The following KCNU1 variants were observed in gnomAD, a reference collection of about 807,000 sequenced individuals.
The protein encoded by KCNU1 is potassium calcium-activated channel subfamily U member 1, also known as potassium channel subfamily U member 1.
KCNU1 carries 93 observed loss-of-function variants against 126.8 expected under a neutral mutation model. The observed-to-expected ratio is 0.73, with a 90% CI of 0.62 to 0.87. The LOEUF is 0.87. Ranked by LOEUF, KCNU1 falls within the 40% of genes least tolerant of loss-of-function variation. KCNU1 has a pLI of 0.00. For synonymous variants in KCNU1, 523 were observed against 494.2 expected, an observed-to-expected ratio of 1.06 and a Z score of -0.77; for missense variants, 1,330 against 1,367.1, an observed-to-expected ratio of 0.97 and a Z score of 0.43.
intron 10 of KCNU1, among the ~76,000 whole-genome samples, chr8:36,826,272 T>TGC (rs1804319219): frequency 6.6e-6 from 1 of 150,736 alleles, no homozygotes. Context: ...CGCAGTGGCC[T>TGC]GATCTTGGCT....
At chr8:36,832,808 A>T (rs543484824) in intron 10 of KCNU1, among the ~76,000 whole-genome samples, 1 of 152,178 alleles carries the variant, frequency 6.6e-6, no homozygotes, top group South Asian at 2.1e-4. Context: ...AAAGCTACAA[A>T]TTATTCCTAA....
At chr8:36,837,640 T>A (rs1356024976) in intron 14 of KCNU1, among the ~76,000 whole-genome samples, 2 of 152,210 alleles carry the variant, frequency 1.3e-5, no homozygotes, top group Non-Finnish European at 2.9e-5. Context: ...ACACAATGTC[T>A]CACATCAAGA....
intron 19 of KCNU1, among the ~76,000 whole-genome samples, chr8:36,874,108 C>A (rs182439583): frequency 6.6e-6 from 1 of 151,934 alleles, no homozygotes; most frequent in Non-Finnish European, 1.5e-5. Context: ...TGAAAAGGAA[C>A]AGATATTTTA....
chr8:36,824,966 G>A lies in KCNU1; in HGVS notation c.1106+7206G>A, dbSNP rs191072551. The stretch of plus-strand genomic sequence containing the variant: ...TGCAAATTTTTGTATATGTATCTTG[G>A]TACCCAAAAATATAATTGTAAGGTA... On this transcript the variant is annotated intron_variant, in intron 10 of 26. Transcript: ENST00000399881. Among the ~76,000 whole-genome samples the A allele has an allele frequency of 2.0e-3, 311 of 152,094 alleles. 5 individuals carry two copies. Among genetic ancestry groups the A allele is most frequent in the African/African-American group, 6.0e-3 (250 of 41,488 alleles).
At chr8:36,823,903 T>C (rs1460985325) in intron 10 of KCNU1, among the ~76,000 whole-genome samples, 1 of 150,640 alleles carries the variant, frequency 6.6e-6, no homozygotes, top group Admixed American at 6.7e-5. Flanking sequence ...AATGGTGCGA[T>C]CTCAGTTCAC....
At chr8:36,788,665 C>T (rs1802796932) in intron 2 of KCNU1, among the ~76,000 whole-genome samples, 1 of 152,152 alleles carries the variant, frequency 6.6e-6, no homozygotes, top group African/African-American at 2.4e-5. Context: ...AATGTTGAAT[C>T]ATCTGGAAAT....
chr8:36,848,058 C>T (rs1051815188), intron 18 of KCNU1, among the ~76,000 whole-genome samples: 2 of 152,112 alleles, frequency 1.3e-5, no homozygotes, highest in Non-Finnish European at 2.9e-5. Flanking sequence ...ATTTGCATTT[C>T]TTTGATAATT....
intron 1 of KCNU1, 39 bp downstream of exon 1, chr8:36,784,644 G>A: frequency 6.7e-7 from 1 of 1,492,904 alleles, no homozygotes; most frequent in South Asian, 1.2e-5. Flanking sequence ...TGTGAAGTCA[G>A]AGATGAGTTT....
chr8:36,890,098 C>G (rs923089731), intron 19 of KCNU1, among the ~76,000 whole-genome samples: 2 of 151,900 alleles, frequency 1.3e-5, no homozygotes, highest in Admixed American at 6.6e-5. Context: ...CAGACTTCCT[C>G]AAACAAAAAC....
intron 23 of KCNU1, among the ~76,000 whole-genome samples, chr8:36,920,544 G>A (rs1456759185): frequency 2.1e-5 from 3 of 143,134 alleles, no homozygotes; most frequent in Admixed American, 6.9e-5. Context: ...AGCTTGTCCA[G>A]GTTCTTGTTG....
intron 18 of KCNU1, among the ~76,000 whole-genome samples, chr8:36,855,235 G>A (rs1805488415): frequency 2.0e-5 from 3 of 152,100 alleles, no homozygotes; most frequent in South Asian, 4.1e-4. Context: ...TTATAAGTAA[G>A]AAGACATTTT....
chr8:36,819,964 T>C lies in KCNU1; in HGVS notation c.1106+2204T>C, dbSNP rs143760500. Among the ~76,000 whole-genome samples, 28 of 152,252 alleles carry C rather than the reference T, an allele frequency of 1.8e-4. No individual in the cohort carries two copies. The East Asian group carries it at 5.4e-3, about 30-fold the overall frequency. ...ACTTCAGGCCTAGCGTTTAGGAGGA[T>C]TGACAGTTCCAGCTTCCACTTAGAG... On this transcript the variant is annotated intron_variant, in intron 10 of 26. Transcript: ENST00000399881.
chr8:36,887,414 C>G (rs1806749103), intron 19 of KCNU1, among the ~76,000 whole-genome samples: 1 of 142,468 alleles, frequency 7.0e-6, no homozygotes, highest in Admixed American at 7.1e-5. Context: ...AAACGTTGAG[C>G]ATTTTTTCAC....
At chr8:36,790,194 C>T (rs1802854652) in intron 2 of KCNU1, among the ~76,000 whole-genome samples, 1 of 152,088 alleles carries the variant, frequency 6.6e-6, no homozygotes, top group African/African-American at 2.4e-5. Flanking sequence ...TCAACCATAA[C>T]CTTTGAAATG....
At chr8:36,785,210 G>A (rs898641468) in intron 1 of KCNU1, among the ~76,000 whole-genome samples, 5 of 152,188 alleles carry the variant, frequency 3.3e-5, no homozygotes, top group African/African-American at 1.2e-4. Flanking sequence ...AAATGATGAT[G>A]ATGAGAATAA....
chr8:36,874,845 G>C lies in KCNU1; in HGVS notation c.2009+10324G>C, dbSNP rs762969813. Among the ~76,000 whole-genome samples the C allele has an allele frequency of 2.0e-5, 3 of 151,840 alleles. No individual in the cohort carries two copies. The South Asian group carries it at 6.3e-4, about 32-fold the overall frequency. On this transcript the variant is annotated intron_variant, in intron 19 of 26. Coordinates refer to ENST00000399881, the MANE Select transcript of KCNU1 (RefSeq NM_001031836.3). The stretch of plus-strand genomic sequence containing the variant: ...CTTACCGAGAGAAGGTTAAGAAAAG[G>C]CACCTTTAACAGATTTTTCTCCTTG...
intron 24 of KCNU1, among the ~76,000 whole-genome samples, chr8:36,923,986 G>A (rs13276403): frequency 0.35 from 52,494 of 152,120 alleles, 9,733 homozygotes; most frequent in Admixed American, 0.42. Context: ...TAGTTGACAG[G>A]AGGCTTTAGA....
At chr8:36,830,010 T>C (rs988894833) in intron 10 of KCNU1, among the ~76,000 whole-genome samples, 1 of 149,668 alleles carries the variant, frequency 6.7e-6, no homozygotes, top group African/African-American at 2.4e-5. Flanking sequence ...GGTTTCCATA[T>C]AAATAATTAT....
Position 36,814,257 on chromosome 8 carries a change from A to C in KCNU1, c.783A>C (p.Ile261=). 6.2e-7 allele frequency: 1 copy of C among 1,613,268 alleles called. No homozygotes were observed. The highest frequency in any genetic ancestry group is 8.5e-7 in the Non-Finnish European group (1 of 1,179,402). The stretch of plus-strand genomic sequence containing the variant: ...TCAAAGGTAGAAATTCACAGAATAT[A>C]TCATATTTTGAGTCAATTTACCTGG... ...PWLKGRNSQN[I]SYFESIYLVM... The change falls in exon 8 of 27, where the codon ATA becomes ATC. Residue 261 remains isoleucine (I), a synonymous_variant. Coordinates refer to ENST00000399881, the MANE Select transcript of KCNU1 (RefSeq NM_001031836.3).
Sources: allele counts gnomAD v4.1 joint callset (sites outside exome capture counted in the v4.1 genomes callset), GRCh38; gene constraint gnomAD v4.1.1; transcripts MANE v1.5; gene names NCBI Gene and HGNC (gene_info 2026-07-23, HGNC 2026-07-21).